The following DNAJC18 variants were observed in gnomAD, a reference collection of about 807,000 sequenced individuals.
The protein encoded by DNAJC18 is dnaJ homolog subfamily C member 18.
DNAJC18 carries 40 observed loss-of-function variants against 48.6 expected under a neutral mutation model. That is an observed-to-expected ratio of 0.82 (90% CI 0.64 to 1.07). The LOEUF (loss-of-function observed/expected upper bound fraction) is 1.07, where lower values mean the gene tolerates loss of function less well. Ranked by LOEUF, DNAJC18 falls within the 50% of genes least tolerant of loss-of-function variation. DNAJC18 has a pLI of 0.00. For synonymous variants in DNAJC18, 135 were observed against 152.2 expected (o/e 0.89, Z 0.83); for missense variants, 340 against 427.7 (o/e 0.79, Z 1.81).
At chr5:139,435,838 T>C (rs1469881174) in intron 2 of DNAJC18, among the ~76,000 whole-genome samples, 2 of 150,216 alleles carry the variant, frequency 1.3e-5, no homozygotes, top group Non-Finnish European at 3.0e-5. Flanking sequence ...CCTGAGCAGC[T>C]GGAACTGCAG....
chr5:139,429,232 C>T (rs180984153), intron 2 of DNAJC18, among the ~76,000 whole-genome samples: 5 of 151,928 alleles, frequency 3.3e-5, no homozygotes, highest in Admixed American at 1.3e-4. Flanking sequence ...TACAGGGATG[C>T]GCCACCAGCC....
chr5:139,414,340 G>A, intron 7 of DNAJC18, 68 bp from the exon 8 acceptor site: 1 of 1,534,544 alleles, frequency 6.5e-7, no homozygotes, highest in Non-Finnish European at 8.7e-7. Context: ...AATGTTTCTG[G>A]AGTCAAAGCT....
Position 139,426,211 on chromosome 5 carries a change from C to T in DNAJC18, c.520G>A (p.Glu174Lys), listed in dbSNP as rs764972940. 1 of 1,614,074 alleles carries T rather than the reference C, an allele frequency of 6.2e-7. No individual in the cohort carries two copies. Among genetic ancestry groups the T allele is most frequent in the African/African-American group, 1.3e-5 (1 of 74,918 alleles). The change falls in exon 4 of 8, where the codon GAG (glutamate) becomes AAG (lysine). Residue 174 changes from glutamate to lysine, a missense_variant. By Grantham distance (56) the Glu-to-Lys change is moderately conservative. Transcript: ENST00000302060. ...CCTCCAAAGAAGACGTTGAACAGCTCTTCTGGAGTGATGTCAGCTTCAAAA... is the reference window on the plus strand; with the variant it reads ...CCTCCAAAGAAGACGTTGAACAGCTTTTCTGGAGTGATGTCAGCTTCAAAA... ...RDFEADITPE[E>K]LFNVFFGGHF...
intron 7 of DNAJC18, 106 bp from the exon 8 acceptor site, chr5:139,414,378 T>TA (rs1233929113): frequency 7.1e-7 from 1 of 1,413,374 alleles, no homozygotes; most frequent in Non-Finnish European, 9.4e-7. Flanking sequence ...AGCTTTTTCT[T>TA]ACAATTAAAT....
intron 2 of DNAJC18, among the ~76,000 whole-genome samples, chr5:139,433,821 T>C (rs1327184734): frequency 6.6e-6 from 1 of 152,256 alleles, no homozygotes; most frequent in Non-Finnish European, 1.5e-5. Flanking sequence ...AATCTAGATA[T>C]ATTTTATGCA....
At chr5:139,438,014 A>G (rs936036578) in intron 1 of DNAJC18, among the ~76,000 whole-genome samples, 13 of 152,158 alleles carry the variant, frequency 8.5e-5, no homozygotes, top group African/African-American at 1.7e-4. Context: ...AAATTCGTAA[A>G]CTTTCTTAGA....
rs139858161 is a variant in DNAJC18 at position 139,421,324 on chromosome 5, T to C, written c.780-1099A>G. Among the ~76,000 whole-genome samples, 42 of 152,050 alleles carry C rather than the reference T, an allele frequency of 2.8e-4. No individual in the cohort carries two copies. The East Asian group carries it at 7.8e-3, about 28-fold the overall frequency. Reference sequence around the variant, plus strand: ...ATTAGCCAGGTGTGGTGGCACATGCTTATAATCCCAGCTACTCAGGAGGCT... The same window carrying C: ...ATTAGCCAGGTGTGGTGGCACATGCCTATAATCCCAGCTACTCAGGAGGCT... On this transcript the variant is annotated intron_variant, in intron 6 of 7. Transcript: ENST00000302060.
intron 2 of DNAJC18, among the ~76,000 whole-genome samples, chr5:139,430,548 A>T (rs937743124): frequency 6.6e-6 from 1 of 152,058 alleles, no homozygotes; most frequent in African/African-American, 2.4e-5. Flanking sequence ...AGAGCATTTA[A>T]TACTAAATAA....
At position 139,414,077 on chromosome 5, in the gene DNAJC18, A is replaced by G. The variant is rs752190190; in HGVS notation, c.*71T>C. The stretch of plus-strand genomic sequence containing the variant: ...GTTCATCATTACCTAGTTTTGTATT[A>G]TAAAATGGAATCAGGAACATAAATA... On this transcript the variant is annotated 3_prime_UTR_variant, in exon 8 of 8. Transcript: ENST00000302060. 4 of 1,566,488 alleles carry G rather than the reference A, an allele frequency of 2.6e-6. No individual in the cohort carries two copies. Among genetic ancestry groups the G allele is most frequent in the Non-Finnish European group, 2.6e-6 (3 of 1,160,418 alleles).
intron 2 of DNAJC18, 95 bp from the exon 3 acceptor site, chr5:139,428,778 C>T: frequency 1.4e-6 from 2 of 1,404,054 alleles, no homozygotes; most frequent in Non-Finnish European, 9.5e-7. Flanking sequence ...TCTGTGGGAC[C>T]CAAAACAAAC....
rs1397555334 is a variant in DNAJC18, at chr5:139,412,833, AG to A, written c.*1314del. 2.5e-6 allele frequency: 1 copy of A among 398,574 alleles called. No individual in the cohort carries two copies. Among genetic ancestry groups the A allele is most frequent in the African/African-American group, 2.1e-5 (1 of 48,644 alleles). The allele number at this position is 398,574 out of a possible 1,614,324, so 24.7% of individuals were successfully genotyped here. ...GAGCAGCAGGGATGTTGTCCTGAAC[AG>A]ATGCAAGATTGCCACAGAAAAGATG... is the stretch of plus-strand genomic sequence containing the variant. On this transcript the variant is annotated 3_prime_UTR_variant, in exon 8 of 8. Coordinates refer to ENST00000302060, the MANE Select transcript of DNAJC18 (RefSeq NM_152686.4).
At position 139,439,412 on chromosome 5, in the gene DNAJC18, TCCAGCGCTCCCCGCTGCCCAGAGTCGCCG is replaced by T. The variant is rs1265668543; in HGVS notation, c.5_33del (p.Ala2AspfsTer6). 4 of 1,613,894 alleles carry T rather than the reference TCCAGCGCTCCCCGCTGCCCAGAGTCGCCG, an allele frequency of 2.5e-6. No individual in the cohort carries two copies. The highest frequency in any genetic ancestry group is 3.4e-6 in the Non-Finnish European group (4 of 1,180,010). ...TCAGGCGGGGACCTAGTACCTTCCG[TCCAGCGCTCCCCGCTGCCCAGAGTCGCCG>T]CCATATCGGTTCCCAATCAGCAGGT... is the stretch of plus-strand genomic sequence containing the variant. On this transcript the variant is annotated frameshift_variant, in exon 1 of 8. Coordinates refer to ENST00000302060, the MANE Select transcript of DNAJC18 (RefSeq NM_152686.4). LOFTEE classifies it high-confidence loss of function. The surrounding 1 kb of genome is among the most constrained non-coding windows in gnomAD (Gnocchi z 4.1).
chr5:139,436,686 A>T (rs925621418), intron 2 of DNAJC18, among the ~76,000 whole-genome samples: 3 of 151,260 alleles, frequency 2.0e-5, no homozygotes, highest in African/African-American at 7.3e-5. Flanking sequence ...GTATATATAT[A>T]TTTTTTGGAA....
At position 139,439,241 on chromosome 5, in the gene DNAJC18, A is replaced by AG. The variant is rs1750742212; in HGVS notation, c.40+164dup. 6.6e-6 allele frequency among the ~76,000 whole-genome samples: 1 copy of AG among 152,086 alleles called. No individual in the cohort carries two copies. The highest frequency in any genetic ancestry group is 2.4e-5 in the African/African-American group (1 of 41,418). On this transcript the variant is annotated intron_variant, in intron 1 of 7. Coordinates refer to ENST00000302060, the MANE Select transcript of DNAJC18 (RefSeq NM_152686.4). This position sits in a 1 kb window ranked among gnomAD's most constrained non-coding sequence, Gnocchi z 4.1. Reference sequence around the variant, plus strand: ...GACTCTGGGCTCGCGGTCGGTCCCCAGCTTCCCTACCCCATCCGCAACCCT... The same window carrying AG: ...GACTCTGGGCTCGCGGTCGGTCCCCAGGCTTCCCTACCCCATCCGCAACCCT...
intron 7 of DNAJC18, among the ~76,000 whole-genome samples, chr5:139,416,113 A>T (rs1376174372): frequency 6.6e-6 from 1 of 152,162 alleles, no homozygotes; most frequent in Non-Finnish European, 1.5e-5. Context: ...ACCAAGCTTA[A>T]AGCAACTTCT....
intron 6 of DNAJC18, among the ~76,000 whole-genome samples, chr5:139,421,501 G>T (rs747581215): frequency 6.6e-6 from 1 of 151,722 alleles, no homozygotes; most frequent in African/African-American, 2.4e-5. Context: ...CCTCAGCTTC[G>T]CTCTCTGTAA....
rs555012447 is a variant in DNAJC18 at position 139,436,252 on chromosome 5, T to A, written c.227+1120A>T. ...AGGCATGTGCCACCATGCCCAAGTATTTTTTTTTTCTTTTTTTAGAGATAA... is the reference window on the plus strand; with the variant it reads ...AGGCATGTGCCACCATGCCCAAGTAATTTTTTTTTCTTTTTTTAGAGATAA... On this transcript the variant is annotated intron_variant, in intron 2 of 7. Coordinates refer to ENST00000302060, the MANE Select transcript of DNAJC18 (RefSeq NM_152686.4). 5.4e-5 allele frequency among the ~76,000 whole-genome samples: 8 copies of A among 148,688 alleles called. No individual in the cohort carries two copies. In the East Asian group the frequency reaches 1.6e-3, roughly 29 times the overall value.
Position 139,411,371 on chromosome 5 carries a change from T to G in DNAJC18, c.*2777A>C, listed in dbSNP as rs1418362867. On this transcript the variant is annotated 3_prime_UTR_variant, in exon 8 of 8. Transcript: ENST00000302060. ...AAGCCCTATTTCTGAGCGCTGCTCCTCTCACACACGTCTCCAATCTGCAGT... is the reference window on the plus strand; with the variant it reads ...AAGCCCTATTTCTGAGCGCTGCTCCGCTCACACACGTCTCCAATCTGCAGT... 6.6e-6 allele frequency: 1 copy of G among 152,200 alleles called. No homozygotes were observed. Among genetic ancestry groups the G allele is most frequent in the African/African-American group, 2.4e-5 (1 of 41,438 alleles). The allele number at this position is 152,200 out of a possible 1,614,324, so 9.4% of individuals were successfully genotyped here. A position where few individuals can be genotyped will look rare whatever the true frequency, so the allele number is the denominator to read the frequency against.
intron 5 of DNAJC18, 40 bp from the exon 6 acceptor site, chr5:139,422,857 C>CT (rs374000334): frequency 0.16 from 171,643 of 1,063,742 alleles, 1 homozygote; most frequent in South Asian, 0.2. Context: ...TGTAAGTGTT[C>CT]TTTTTTTTTT....
Sources: gnomAD v4.1 joint callset for allele counts (sites outside exome capture counted in the v4.1 genomes callset) on GRCh38, gnomAD v4.1.1 for gene constraint, Gnocchi (gnomAD v3.1) non-coding constraint, MANE v1.5 for transcripts, NCBI Gene and HGNC (gene_info 2026-07-23, HGNC 2026-07-21) for gene names.